EP300: variants seen among roughly 807,000 people sequenced by gnomAD.
EP300 encodes the protein EP300 lysine acetyltransferase.
Under a neutral mutation model 264.0 loss-of-function variants are expected in EP300, and 31 were observed. That is an observed-to-expected ratio of 0.12 (90% CI 0.09 to 0.16). The LOEUF (loss-of-function observed/expected upper bound fraction) is 0.16. Ranked by LOEUF, EP300 falls within the 10% of genes least tolerant of loss-of-function variation. The pLI, the probability that EP300 is intolerant of heterozygous loss-of-function variation, is 1.00. For missense variants in EP300, 2,766 were observed against 3,052.9 expected, an observed-to-expected ratio of 0.91 and a Z score of 2.21; for synonymous variants, 1,340 against 1,045.4, an observed-to-expected ratio of 1.28 and a Z score of -5.44.
Position 41,178,840 on chromosome 22 carries a change from G to C in EP300, c.7129G>C (p.Ala2377Pro), listed in dbSNP as rs1160588664. The C allele has an allele frequency of 1.2e-6, 2 of 1,614,062 alleles. No individual in the cohort carries two copies. Among genetic ancestry groups the C allele is most frequent in the African/African-American group, 1.3e-5 (1 of 74,916 alleles). The part of the protein sequence containing the change: ...PDQNSMLSQL[A>P]SNPGMANLHG... ...CCAGAATTCAATGCTTTCTCAGCTT[G>C]CTAGCAATCCAGGCATGGCAAACCT... Residue 2377 changes from alanine (A) to proline (P), a missense_variant, in exon 31 of 31, where the codon GCT becomes CCT. Transcript: ENST00000263253.
intron 1 of EP300, among the ~76,000 whole-genome samples, chr22:41,102,940 TC>T (rs772377005): frequency 5.1e-4 from 78 of 151,910 alleles, no homozygotes; most frequent in Non-Finnish European, 1.0e-3. Context: ...ACCTCCGCCT[TC>T]CGGGTTCAAG....
At chr22:41,150,759 C>T (rs909860856) in intron 14 of EP300, among the ~76,000 whole-genome samples, 2 of 151,882 alleles carry the variant, frequency 1.3e-5, no homozygotes, top group Admixed American at 6.6e-5. Context: ...GACATGGTAG[C>T]GGGTGCCTGT....
At chr22:41,124,719 T>A (rs2058871002) in intron 2 of EP300, among the ~76,000 whole-genome samples, 1 of 152,180 alleles carries the variant, frequency 6.6e-6, no homozygotes, top group Non-Finnish European at 1.5e-5. Context: ...TTAAGTTGAA[T>A]TCGCCATGTA....
At chr22:41,173,369 T>C (rs1410747500) in intron 28 of EP300, among the ~76,000 whole-genome samples, 1 of 152,214 alleles carries the variant, frequency 6.6e-6, no homozygotes, top group African/African-American at 2.4e-5. Context: ...TCAATCAATC[T>C]ACAGGGTCTG....
chr22:41,134,780 C>T (rs918282602), intron 6 of EP300, among the ~76,000 whole-genome samples: 1 of 152,190 alleles, frequency 6.6e-6, no homozygotes, highest in African/African-American at 2.4e-5. Context: ...TTTCAGGCTT[C>T]CTTTTACCTC....
intron 1 of EP300, 35 bp from the exon 2 acceptor site, chr22:41,117,152 A>G (rs372736891): frequency 9.4e-6 from 15 of 1,599,662 alleles, no homozygotes; most frequent in Middle Eastern, 3.3e-4. Flanking sequence ...TGGTTTTGTC[A>G]TACTTTGACC....
At chr22:41,138,909 G>A (rs957514431) in intron 8 of EP300, among the ~76,000 whole-genome samples, 4 of 151,454 alleles carry the variant, frequency 2.6e-5, no homozygotes, top group East Asian at 1.9e-4. Context: ...TTCCTCCCAC[G>A]AACCCATGCT....
intron 1 of EP300, among the ~76,000 whole-genome samples, chr22:41,111,952 A>G (rs1295373170): frequency 9.0e-6 from 1 of 111,660 alleles, no homozygotes; most frequent in Non-Finnish European, 1.6e-5. Context: ...CAGTGGCGCG[A>G]TGTCCACTCA....
chr22:41,164,537 C>T (rs748432441), intron 22 of EP300, among the ~76,000 whole-genome samples: 2 of 152,100 alleles, frequency 1.3e-5, no homozygotes, highest in Non-Finnish European at 2.9e-5. Context: ...CATGGCAAAA[C>T]CTCGTGTCTA....
At position 41,135,861 on chromosome 22, in the gene EP300, GTCTTCTTTC is replaced by G; in HGVS notation, c.1579_1587del (p.Leu527_Ser529del). The G allele has an allele frequency of 6.2e-7, 1 of 1,614,106 alleles. No individual in the cohort carries two copies. The highest frequency in any genetic ancestry group is 8.5e-7 in the Non-Finnish European group (1 of 1,180,010). ...GGAGGTGTAGGAGTTCAAACGCCGA[GTCTTCTTTC>G]TGACTCAATGTTGCATTCAGCCATA... On this transcript the variant is annotated inframe_deletion, in exon 7 of 31. Coordinates refer to ENST00000263253, the MANE Select transcript of EP300 (RefSeq NM_001429.4).
At chr22:41,130,296 A>G (rs2145714229) in intron 5 of EP300, among the ~76,000 whole-genome samples, 1 of 151,968 alleles carries the variant, frequency 6.6e-6, no homozygotes, top group South Asian at 2.1e-4. Flanking sequence ...GCAGTGGCTC[A>G]TGCCTGTCAT....
rs147670230 is a variant in EP300 at position 41,115,682 on chromosome 22, G to T, written c.95-1505G>T. Reference sequence around the variant, plus strand: ...CTGCCTTGGCCTTCTAAAGTACTGAGATTACAGGTGTGAGCTACCAGGGCT... The same window carrying T: ...CTGCCTTGGCCTTCTAAAGTACTGATATTACAGGTGTGAGCTACCAGGGCT... On this transcript the variant is annotated intron_variant, in intron 1 of 30. Transcript: ENST00000263253. Among the ~76,000 whole-genome samples, 9 of 152,286 alleles carry T rather than the reference G, an allele frequency of 5.9e-5. No homozygotes were observed. In the East Asian group the frequency reaches 1.7e-3, roughly 29 times the overall value.
chr22:41,137,757 C>A lies in EP300; in HGVS notation c.1727C>A (p.Thr576Asn), dbSNP rs201036817. Residue 576 changes from threonine (T) to asparagine (N), a missense_variant, in exon 8 of 31, where the codon ACT becomes AAT. Transcript: ENST00000263253. ...GIRKQWHEDI[T>N]QDLRNHLVHK... ...CGGAAACAGTGGCACGAAGATATTA[C>A]TCAGGATCTTCGAAATCATCTTGTT... 5.0e-6 allele frequency: 8 copies of A among 1,614,214 alleles called. No homozygotes were observed. In the Admixed American group the frequency reaches 5.0e-5, roughly 10 times the overall value.
At chr22:41,151,070 T>G (rs1028574601) in intron 14 of EP300, among the ~76,000 whole-genome samples, 1 of 152,002 alleles carries the variant, frequency 6.6e-6, no homozygotes, top group Non-Finnish European at 1.5e-5. Context: ...TAGAACTTTT[T>G]TTAAGGGTTT....
In EP300 at chr22:41,167,826, G is replaced by GTTT. The variant is rs1192332279; in HGVS notation, c.3875-600_3875-598dup. Reference sequence around the variant, plus strand: ...TCTGTTTGTTTTTGTTTTTTTTTTTGTTTTTTTTTTTTTTTTTTTTTTTTT... The same window carrying GTTT: ...TCTGTTTGTTTTTGTTTTTTTTTTTGTTTTTTTTTTTTTTTTTTTTTTTTTTTT... On this transcript the variant is annotated intron_variant, in intron 23 of 30. Transcript: ENST00000263253. Among the ~76,000 whole-genome samples the GTTT allele has an allele frequency of 8.1e-3, 260 of 32,108 alleles. 7 individuals carry two copies. The highest frequency in any genetic ancestry group is 0.034 in the East Asian group (21 of 626). The allele number at this position is 32,108 out of a possible 152,430, so 21.1% of individuals were successfully genotyped here.
In EP300 at chr22:41,178,224, C is replaced by T. The variant is rs1349587000; in HGVS notation, c.6513C>T (p.Asn2171=). 2 of 1,614,056 alleles carry T rather than the reference C, an allele frequency of 1.2e-6. No homozygotes were observed. The highest frequency in any genetic ancestry group is 1.6e-4 in the Middle Eastern group (1 of 6,062). Residue 2171 remains asparagine (N), a synonymous_variant, in exon 31 of 31, where the codon AAC becomes AAT. Transcript: ENST00000263253. ...MSPQAQQMNM[N]HNTMPSQFRD... ...CCCAGGCTCAGCAGATGAACATGAACCACAACACCATGCCTTCACAATTCC... is the reference window on the plus strand; with the variant it reads ...CCCAGGCTCAGCAGATGAACATGAATCACAACACCATGCCTTCACAATTCC...
intron 13 of EP300, 83 bp from the exon 14 acceptor site, chr22:41,149,678 C>A: frequency 1.4e-6 from 2 of 1,420,922 alleles, no homozygotes; most frequent in Non-Finnish European, 2.0e-6. Flanking sequence ...AGTTTGTGTC[C>A]TAAATTTATA....
In EP300 at chr22:41,179,284, T is replaced by TATTA. The variant is rs2059225191; in HGVS notation, c.*329_*332dup. 2 of 306,860 alleles carry TATTA rather than the reference T, an allele frequency of 6.5e-6. No homozygotes were observed. Among genetic ancestry groups the TATTA allele is most frequent in the Non-Finnish European group, 1.2e-5 (2 of 163,752 alleles). The allele number at this position is 306,860 out of a possible 1,614,324, so 19.0% of individuals were successfully genotyped here. The stretch of plus-strand genomic sequence containing the variant: ...CCTGCCTTGCACCTCCAATAGGTTT[T>TATTA]ATTATTTTTTTTAAATTAATGAACA... On this transcript the variant is annotated 3_prime_UTR_variant, in exon 31 of 31. Coordinates refer to ENST00000263253, the MANE Select transcript of EP300 (RefSeq NM_001429.4).
intron 23 of EP300, among the ~76,000 whole-genome samples, chr22:41,167,203 G>T (rs946534838): frequency 1.3e-5 from 2 of 152,050 alleles, no homozygotes; most frequent in Admixed American, 6.6e-5. Flanking sequence ...TGCCATGTTG[G>T]CCAGGCTGAT....
Sources: allele counts gnomAD v4.1 joint callset (sites outside exome capture counted in the v4.1 genomes callset), GRCh38; gene constraint gnomAD v4.1.1; transcripts MANE v1.5; gene names NCBI Gene and HGNC (gene_info 2026-07-23, HGNC 2026-07-21).